The following EFCAB3 variants were observed in gnomAD, a reference collection of about 807,000 sequenced individuals.
EFCAB3 encodes the protein EF-hand calcium binding domain 3.
A neutral mutation model predicts 42.2 loss-of-function variants in EFCAB3; 36 were observed. The ratio of observed to expected loss-of-function variants is 0.85; its 90% CI spans 0.65 to 1.13. The LOEUF (loss-of-function observed/expected upper bound fraction) is 1.13. Among genes scored for constraint, EFCAB3 ranks in the 50% most tolerant of loss-of-function variants. The probability of loss-of-function intolerance (pLI) is 0.00; values close to 1 mark genes in which losing one functional copy is unlikely to be tolerated. For missense variants in EFCAB3, 418 were observed against 505.1 expected (o/e 0.83, Z 1.65); for synonymous variants, 170 against 172.8 (o/e 0.98, Z 0.13).
chr17:62,383,787 A>G (rs1160800252), intron 2 of EFCAB3, among the ~76,000 whole-genome samples: 1 of 152,174 alleles, frequency 6.6e-6, no homozygotes, highest in Non-Finnish European at 1.5e-5. Flanking sequence ...AGAAGATCAT[A>G]AAGAAGACCT....
rs533879804 is a variant in EFCAB3, at chr17:62,413,585, T to TAAAC, written c.868-135_868-132dup. 150 of 819,534 alleles carry TAAAC rather than the reference T, an allele frequency of 1.8e-4. No individual in the cohort carries two copies. The South Asian group carries it at 4.1e-3, about 22-fold the overall frequency. The allele number at this position is 819,534 out of a possible 1,614,324, so 50.8% of individuals were successfully genotyped here. The stretch of plus-strand genomic sequence containing the variant: ...CTCCTGAGGGACCCGGAAAAAAGTC[T>TAAAC]AAACAAACAAACAAATGGTTTGGCA... On this transcript the variant is annotated intron_variant, in intron 8 of 9. Transcript: ENST00000305286.
chr17:62,372,871 G>T (rs2144043297), intron 1 of EFCAB3, among the ~76,000 whole-genome samples: 1 of 152,240 alleles, frequency 6.6e-6, no homozygotes, highest in South Asian at 2.1e-4. Context: ...AACATGTCAT[G>T]CTCCAAACCA....
chr17:62,401,884 T>C (rs1206458942), intron 6 of EFCAB3, among the ~76,000 whole-genome samples: 2 of 152,212 alleles, frequency 1.3e-5, no homozygotes, highest in African/African-American at 2.4e-5. Flanking sequence ...TTGGGCAATA[T>C]GGCCATTTTC....
chr17:62,404,796 C>CA (rs1188721951), intron 6 of EFCAB3, among the ~76,000 whole-genome samples: 2 of 151,332 alleles, frequency 1.3e-5, no homozygotes, highest in Admixed American at 6.6e-5. Context: ...AATTCCATCT[C>CA]AAAAAATAAT....
intron 1 of EFCAB3, chr17:62,381,553 TG>T (rs2070199047): frequency 6.2e-6 from 1 of 160,138 alleles, no homozygotes; most frequent in African/African-American, 2.4e-5. Context: ...AGAACTGCAT[TG>T]TATCCCACCC....
intron 6 of EFCAB3, among the ~76,000 whole-genome samples, chr17:62,398,453 CA>C (rs371155492): frequency 1.3e-4 from 8 of 62,032 alleles, no homozygotes; most frequent in East Asian, 5.1e-4. Flanking sequence ...GACTTAGTCT[CA>C]AAAAAAAAAG....
At chr17:62,412,712 A>G (rs1186412670) in intron 8 of EFCAB3, among the ~76,000 whole-genome samples, 5 of 151,738 alleles carry the variant, frequency 3.3e-5, no homozygotes, top group Middle Eastern at 3.2e-3. Flanking sequence ...CACCCTCCTC[A>G]GCCTCCCAAA....
chr17:62,384,833 C>T (rs1173703968), intron 2 of EFCAB3, among the ~76,000 whole-genome samples: 1 of 152,176 alleles, frequency 6.6e-6, no homozygotes, highest in Non-Finnish European at 1.5e-5. Context: ...AGAAACTCTA[C>T]TTCAAATACT....
chr17:62,414,946 A>AT (rs1308715729), intron 9 of EFCAB3, among the ~76,000 whole-genome samples: 1 of 151,980 alleles, frequency 6.6e-6, no homozygotes, highest in African/African-American at 2.4e-5. Context: ...TCTACTAAAA[A>AT]TACAAAAATT....
intron 4 of EFCAB3, among the ~76,000 whole-genome samples, chr17:62,392,672 C>T (rs1362040281): frequency 1.3e-5 from 2 of 151,746 alleles, no homozygotes; most frequent in Non-Finnish European, 1.5e-5. Flanking sequence ...GAGTCTTGCT[C>T]TGTTGCCCAG....
At chr17:62,381,458 T>C (rs996109264) in intron 1 of EFCAB3, among the ~76,000 whole-genome samples, 3 of 152,048 alleles carry the variant, frequency 2.0e-5, no homozygotes, top group African/African-American at 7.2e-5. Context: ...CAACCCAGCT[T>C]CTGGTCCATA....
intron 8 of EFCAB3, among the ~76,000 whole-genome samples, chr17:62,410,533 T>A (rs965556988): frequency 2.6e-5 from 4 of 151,976 alleles, no homozygotes; most frequent in African/African-American, 4.8e-5. Flanking sequence ...GAAGGTGGAT[T>A]GCTTGAGCCG....
chr17:62,396,043 TTGG>T (rs1345605165), intron 6 of EFCAB3, among the ~76,000 whole-genome samples: 2 of 152,184 alleles, frequency 1.3e-5, no homozygotes, highest in Non-Finnish European at 2.9e-5. Flanking sequence ...AAGCCTGCTG[TTGG>T]TACACAAATT....
intron 6 of EFCAB3, among the ~76,000 whole-genome samples, chr17:62,404,894 T>C (rs565232718): frequency 6.6e-6 from 1 of 152,276 alleles, no homozygotes; most frequent in South Asian, 2.1e-4. Context: ...TTATAAAATA[T>C]AATGTGACAT....
At chr17:62,413,937 G>T (rs9913294) in intron 9 of EFCAB3, 83 bp downstream of exon 9, 453,059 of 1,406,018 alleles carry the variant, frequency 0.32, 72,071 homozygotes, top group Admixed American at 0.41. Context: ...AAAACCAAGA[G>T]AATTTTTATC....
intron 5 of EFCAB3, 57 bp downstream of exon 5, chr17:62,393,701 C>G (rs1181357494): frequency 5.5e-6 from 8 of 1,450,420 alleles, no homozygotes; most frequent in Non-Finnish European, 7.7e-6. Flanking sequence ...CACTGCACAG[C>G]AAACATCATT....
intron 8 of EFCAB3, among the ~76,000 whole-genome samples, chr17:62,408,085 T>C (rs1422300015): frequency 6.6e-6 from 1 of 152,156 alleles, no homozygotes; most frequent in African/African-American, 2.4e-5. Context: ...TAAACTTATG[T>C]CCCAACATTC....
chr17:62,390,008 G>C (rs1018839365), intron 3 of EFCAB3, among the ~76,000 whole-genome samples: 1 of 151,766 alleles, frequency 6.6e-6, no homozygotes, highest in African/African-American at 2.4e-5. Flanking sequence ...GGATGGTCTC[G>C]ATCTCCTGAC....
chr17:62,391,582 T>C (rs2070302544), intron 3 of EFCAB3, among the ~76,000 whole-genome samples: 1 of 152,194 alleles, frequency 6.6e-6, no homozygotes, highest in South Asian at 2.1e-4. Context: ...ACAGTGTGGA[T>C]ATCTTTGGAA....
Sources: gnomAD v4.1 joint callset for allele counts (sites outside exome capture counted in the v4.1 genomes callset) on GRCh38, gnomAD v4.1.1 for gene constraint, MANE v1.5 for transcripts, NCBI Gene and HGNC (gene_info 2026-07-23, HGNC 2026-07-21) for gene names.